LNP1: variants seen among roughly 807,000 people sequenced by gnomAD.
The protein encoded by LNP1 is leukemia NUP98 fusion partner 1.
A neutral mutation model predicts 14.5 loss-of-function variants in LNP1; 12 were observed. The ratio of observed to expected loss-of-function variants is 0.83; its 90% CI spans 0.53 to 1.34. The LOEUF is 1.34. Ranked by LOEUF, LNP1 falls within the 40% of genes most tolerant of loss-of-function variation. The probability of loss-of-function intolerance (pLI) is 0.00; values close to 1 mark genes in which losing one functional copy is unlikely to be tolerated. For missense variants in LNP1, 198 were observed against 210.9 expected (o/e 0.94, Z 0.38); for synonymous variants, 75 against 71.4 (o/e 1.05, Z -0.26).
intron 1 of LNP1, among the ~76,000 whole-genome samples, chr3:100,422,376 G>A (rs940345433): frequency 2.0e-5 from 3 of 151,892 alleles, no homozygotes; most frequent in African/African-American, 7.3e-5. Context: ...GTGGAGACAG[G>A]GTTTCACTGT....
At chr3:100,434,280 A>G (rs1707270762) in intron 2 of LNP1, among the ~76,000 whole-genome samples, 1 of 152,220 alleles carries the variant, frequency 6.6e-6, no homozygotes, top group Non-Finnish European at 1.5e-5. Flanking sequence ...AGTTTTCTGC[A>G]TATGGCTGGC....
intron 1 of LNP1, among the ~76,000 whole-genome samples, chr3:100,420,045 A>G (rs758911013): frequency 2.2e-4 from 34 of 151,964 alleles, no homozygotes; most frequent in Admixed American, 4.6e-4. Flanking sequence ...TGGTGTTAAT[A>G]CTCTTTTTAA....
chr3:100,442,258 C>T (rs1302241687), intron 2 of LNP1, among the ~76,000 whole-genome samples: 1 of 152,136 alleles, frequency 6.6e-6, no homozygotes, highest in Non-Finnish European at 1.5e-5. Flanking sequence ...TCTGCTGCCT[C>T]ACTGTAGGAG....
At chr3:100,446,682 A>T (rs1228964767) in intron 2 of LNP1, among the ~76,000 whole-genome samples, 3 of 152,222 alleles carry the variant, frequency 2.0e-5, no homozygotes, top group Non-Finnish European at 4.4e-5. Flanking sequence ...AATGGGAGAA[A>T]ATTTTTGTAA....
chr3:100,410,155 G>A (rs80248171), intron 1 of LNP1, among the ~76,000 whole-genome samples: 2,611 of 151,988 alleles, frequency 0.017, 37 homozygotes, highest in East Asian at 0.06. Flanking sequence ...GAAGATTTTT[G>A]AGGTGCCTGC....
intron 1 of LNP1, among the ~76,000 whole-genome samples, chr3:100,427,958 A>T (rs1182831704): frequency 6.6e-6 from 1 of 152,236 alleles, no homozygotes; most frequent in Admixed American, 6.5e-5. Context: ...AACATTGGTC[A>T]TAGTTATCAA....
chr3:100,448,209 C>T (rs1165337946), intron 2 of LNP1, among the ~76,000 whole-genome samples: 1 of 152,120 alleles, frequency 6.6e-6, no homozygotes, highest in Non-Finnish European at 1.5e-5. Context: ...TTGCTTTTAA[C>T]CTCCTTTTAA....
intron 1 of LNP1, among the ~76,000 whole-genome samples, chr3:100,416,599 T>TTTTTTGTGTG: frequency 1.1e-5 from 1 of 94,662 alleles, no homozygotes; most frequent in Admixed American, 9.4e-5. Context: ...TATATCTTTT[T>TTTTTTGTGTG]TGTGTGTGTG....
chr3:100,441,088 G>T (rs949467869), intron 2 of LNP1, among the ~76,000 whole-genome samples: 1 of 152,188 alleles, frequency 6.6e-6, no homozygotes, highest in Non-Finnish European at 1.5e-5. Context: ...GACTAGTCTA[G>T]AACCTTGGGG....
At chr3:100,416,672 A>T (rs1201700932) in intron 1 of LNP1, among the ~76,000 whole-genome samples, 5 of 146,188 alleles carry the variant, frequency 3.4e-5, no homozygotes, top group South Asian at 4.3e-4. Context: ...TCCTTTTTTT[A>T]AAAAAAATAT....
chr3:100,453,899 A>G (rs937606235), intron 3 of LNP1, among the ~76,000 whole-genome samples: 3 of 152,152 alleles, frequency 2.0e-5, no homozygotes, highest in Non-Finnish European at 2.9e-5. Context: ...CAGTTGTCCC[A>G]ATAATATTCT....
At chr3:100,417,671 G>A (rs189156859) in intron 1 of LNP1, among the ~76,000 whole-genome samples, 2 of 151,986 alleles carry the variant, frequency 1.3e-5, no homozygotes, top group East Asian at 1.9e-4. Flanking sequence ...GAGACACCTC[G>A]CACTGCCGGT....
rs66513332 is a variant in LNP1 at position 100,431,992 on chromosome 3, TTATATATATATATATATATATATATA to T, written c.156+2143_156+2168del. On this transcript the variant is annotated intron_variant, in intron 2 of 3. Transcript: ENST00000383693. Reference sequence around the variant, plus strand: ...CCTGGGTAACAGAATGAGACCTTGTTTATATATATATATATATATATATATATATATATATATATATATATATATAT... The same window carrying T: ...CCTGGGTAACAGAATGAGACCTTGTTTATATATATATATATATATATATAT... Among the ~76,000 whole-genome samples the T allele has an allele frequency of 4.3e-3, 148 of 34,710 alleles. 4 individuals are homozygous for T. The highest frequency in any genetic ancestry group is 0.012 in the South Asian group (7 of 600). The allele number at this position is 34,710 out of a possible 152,430, so 22.8% of individuals were successfully genotyped here.
intron 2 of LNP1, among the ~76,000 whole-genome samples, chr3:100,440,995 G>A (rs1265641835): frequency 6.6e-6 from 1 of 152,200 alleles, no homozygotes; most frequent in Non-Finnish European, 1.5e-5. Context: ...GGAGGAGCCT[G>A]TGCCAGTGCC....
chr3:100,435,169 T>A (rs1707282751), intron 2 of LNP1, among the ~76,000 whole-genome samples: 1 of 152,186 alleles, frequency 6.6e-6, no homozygotes, highest in African/African-American at 2.4e-5. Context: ...ATGATAGAAA[T>A]TCAGGTACCA....
chr3:100,427,331 C>G (rs554663695), intron 1 of LNP1, among the ~76,000 whole-genome samples: 4 of 152,228 alleles, frequency 2.6e-5, no homozygotes, highest in Middle Eastern at 6.8e-3. Flanking sequence ...ATCAGCCAGG[C>G]TGCACTTTTT....
intron 2 of LNP1, among the ~76,000 whole-genome samples, chr3:100,449,533 A>G (rs1172003034): frequency 6.6e-6 from 1 of 152,224 alleles, no homozygotes; most frequent in East Asian, 1.9e-4. Flanking sequence ...CAGAGGATGC[A>G]AGAGAAAGGA....
intron 1 of LNP1, among the ~76,000 whole-genome samples, chr3:100,429,098 G>A (rs756313421): frequency 4.6e-5 from 7 of 152,186 alleles, no homozygotes; most frequent in Non-Finnish European, 5.9e-5. Context: ...CATTTTACAC[G>A]TACTTGTATA....
intron 2 of LNP1, among the ~76,000 whole-genome samples, chr3:100,431,553 C>T (rs541176510): frequency 2.6e-4 from 39 of 152,182 alleles, no homozygotes; most frequent in South Asian, 2.3e-3. Context: ...AAGCATAGAT[C>T]ACAAATCAGA....
Sources: gnomAD v4.1 joint callset for allele counts (sites outside exome capture counted in the v4.1 genomes callset) on GRCh38, gnomAD v4.1.1 for gene constraint, MANE v1.5 for transcripts, NCBI Gene and HGNC (gene_info 2026-07-23, HGNC 2026-07-21) for gene names.